Variants in FANCC observed in about 807,000 individuals in gnomAD.
FANCC encodes the protein FA complementation group C, also known as Fanconi anemia group C protein.
FANCC carries 55 observed loss-of-function variants against 71.3 expected under a neutral mutation model. The observed-to-expected ratio is 0.77, with a 90% CI of 0.62 to 0.97. The LOEUF is 0.97. FANCC is among the 50% of genes least tolerant of loss of function. The pLI, the probability that FANCC is intolerant of heterozygous loss-of-function variation, is 0.00. For synonymous variants in FANCC, 275 were observed against 244.9 expected, an observed-to-expected ratio of 1.12 and a Z score of -1.15; for missense variants, 678 against 670.9, an observed-to-expected ratio of 1.01 and a Z score of -0.12.
chr9:95,167,520 G>A (rs1825380110), intron 6 of FANCC, among the ~76,000 whole-genome samples: 1 of 151,812 alleles, frequency 6.6e-6, no homozygotes, highest in African/African-American at 2.4e-5. Flanking sequence ...TTGTTTCTCT[G>A]ACTTAATAAT....
chr9:95,292,350 G>C, intron 1 of FANCC: 2 of 937,356 alleles, frequency 2.1e-6, no homozygotes, highest in Non-Finnish European at 2.6e-6. Context: ...GGCGGCCTCG[G>C]AGGCGGTGGC....
chr9:95,218,879 G>A (rs1829046472), intron 4 of FANCC, among the ~76,000 whole-genome samples: 1 of 152,162 alleles, frequency 6.6e-6, no homozygotes, highest in African/African-American at 2.4e-5. Context: ...GTGGAAACAG[G>A]TCAAGGATAT....
At chr9:95,114,501 GTGC>G in intron 12 of FANCC, 125 bp downstream of exon 12, 4 of 864,648 alleles carry the variant, frequency 4.6e-6, no homozygotes, top group Non-Finnish European at 7.9e-6. Flanking sequence ...CTTCACCATG[GTGC>G]TCACCTGTTT....
In FANCC at chr9:95,278,825, T is replaced by TA. The variant is rs879481683; in HGVS notation, c.-78-29457dup. On this transcript the variant is annotated intron_variant, in intron 1 of 14. Transcript: ENST00000289081. Reference sequence around the variant, plus strand: ...CTACGGCAAACTCTAGAGTAGCCACTAAAAAAAAAAAATTCAAAAAGAATA... The same window carrying TA: ...CTACGGCAAACTCTAGAGTAGCCACTAAAAAAAAAAAAATTCAAAAAGAATA... Among the ~76,000 whole-genome samples, 169 of 31,316 alleles carry TA rather than the reference T, an allele frequency of 5.4e-3. 2 individuals carry two copies. Among genetic ancestry groups the TA allele is most frequent in the South Asian group, 8.3e-3 (9 of 1,080 alleles). The allele number at this position is 31,316 out of a possible 152,430, so 20.5% of individuals were successfully genotyped here. A position where few individuals can be genotyped will look rare whatever the true frequency, so the allele number is the denominator to read the frequency against.
intron 1 of FANCC, among the ~76,000 whole-genome samples, chr9:95,256,208 C>G (rs1244576771): frequency 2.6e-5 from 4 of 152,102 alleles, no homozygotes; most frequent in African/African-American, 9.7e-5. Flanking sequence ...AAAGATACTC[C>G]TCGAGAAGAG....
intron 4 of FANCC, among the ~76,000 whole-genome samples, chr9:95,217,466 G>A (rs930655498): frequency 3.3e-5 from 5 of 151,542 alleles, no homozygotes; most frequent in African/African-American, 4.8e-5. Flanking sequence ...CCTGGGTGAC[G>A]GTGAGACTCC....
chr9:95,170,936 A>G, intron 6 of FANCC, 143 bp downstream of exon 6: 7 of 695,566 alleles, frequency 1.0e-5, no homozygotes, highest in Non-Finnish European at 1.8e-5. Context: ...CCAATTTGCT[A>G]TGTATTCCAC....
chr9:95,243,510 C>T (rs1004197136), intron 3 of FANCC, among the ~76,000 whole-genome samples: 6 of 151,896 alleles, frequency 4.0e-5, no homozygotes, highest in African/African-American at 9.7e-5. Context: ...TTGGGCCAGG[C>T]GTGGTGGTTC....
intron 7 of FANCC, among the ~76,000 whole-genome samples, chr9:95,139,410 C>T (rs920208062): frequency 4.6e-5 from 7 of 152,140 alleles, no homozygotes; most frequent in South Asian, 4.1e-4. Flanking sequence ...TGTTAATCAT[C>T]GTACTGCTGT....
chr9:95,291,902 C>T (rs149553219), intron 1 of FANCC, among the ~76,000 whole-genome samples: 1,556 of 138,834 alleles, frequency 0.011, 31 homozygotes, highest in African/African-American at 0.039. Flanking sequence ...GAGCCAAGAT[C>T]GCGCCACTCC....
At chr9:95,291,970 ATAT>A (rs1834044712) in intron 1 of FANCC, among the ~76,000 whole-genome samples, 121 of 83,868 alleles carry the variant, frequency 1.4e-3, no homozygotes, top group Non-Finnish European at 2.0e-3. Flanking sequence ...AAAAAAAAAT[ATAT>A]ATATATATAT....
intron 14 of FANCC, among the ~76,000 whole-genome samples, chr9:95,102,974 G>C (rs573022522): frequency 6.6e-6 from 1 of 152,226 alleles, no homozygotes; most frequent in African/African-American, 2.4e-5. Context: ...GCACGTGCCA[G>C]TGTGTCCCTG....
chr9:95,119,787 C>A (rs1445257978), intron 10 of FANCC, among the ~76,000 whole-genome samples: 1 of 152,228 alleles, frequency 6.6e-6, no homozygotes, highest in Non-Finnish European at 1.5e-5. Flanking sequence ...TCACAGCTCA[C>A]TGAAGCCTTG....
intron 4 of FANCC, among the ~76,000 whole-genome samples, chr9:95,178,574 C>T (rs1179085351): frequency 6.6e-6 from 1 of 152,242 alleles, no homozygotes. Flanking sequence ...TCCATTCGCA[C>T]AACCAGGCTG....
At chr9:95,225,811 T>C (rs1186923361) in intron 4 of FANCC, among the ~76,000 whole-genome samples, 7 of 152,204 alleles carry the variant, frequency 4.6e-5, no homozygotes, top group African/African-American at 1.7e-4. Context: ...ACAAATGGTA[T>C]CTCATTTTAC....
rs147891656 is a variant in FANCC, at chr9:95,193,495, A to C, written c.346-21348T>G. On this transcript the variant is annotated intron_variant, in intron 4 of 14. Coordinates refer to ENST00000289081, the MANE Select transcript of FANCC (RefSeq NM_000136.3). ...AGGTAAACAACTTGATTTTGTTTTC[A>C]AAAGTATTAAATTTGAGATTATTTT... Among the ~76,000 whole-genome samples the C allele has an allele frequency of 1.3e-3, 195 of 152,338 alleles. 1 individual carries two copies. Among genetic ancestry groups the C allele is most frequent in the African/African-American group, 4.5e-3 (189 of 41,586 alleles).
chr9:95,269,937 A>G (rs1304201832), intron 1 of FANCC, among the ~76,000 whole-genome samples: 1 of 152,176 alleles, frequency 6.6e-6, no homozygotes, highest in Admixed American at 6.5e-5. Flanking sequence ...GAGTTCCCTT[A>G]GTATTTATTG....
intron 7 of FANCC, among the ~76,000 whole-genome samples, chr9:95,147,048 A>G (rs984437819): frequency 6.7e-6 from 1 of 150,002 alleles, no homozygotes; most frequent in African/African-American, 2.4e-5. Context: ...TACAGTGTAT[A>G]TTTTACTTAT....
At chr9:95,167,345 A>C (rs1348479623) in intron 6 of FANCC, among the ~76,000 whole-genome samples, 4 of 152,082 alleles carry the variant, frequency 2.6e-5, no homozygotes, top group Non-Finnish European at 5.9e-5. Context: ...TAGGATATCC[A>C]ATTCCTTCCT....
Sources: gnomAD v4.1 joint callset for allele counts (sites outside exome capture counted in the v4.1 genomes callset) on GRCh38, gnomAD v4.1.1 for gene constraint, MANE v1.5 for transcripts, NCBI Gene and HGNC (gene_info 2026-07-23, HGNC 2026-07-21) for gene names.